Variants in TRAP1 observed in about 807,000 individuals in gnomAD.
The protein encoded by TRAP1 is heat shock protein 75 kDa, mitochondrial.
A neutral mutation model predicts 89.1 loss-of-function variants in TRAP1; 102 were observed. That is an observed-to-expected ratio of 1.15 (90% confidence interval 0.98 to 1.35). The LOEUF (loss-of-function observed/expected upper bound fraction) is 1.35, where lower values mean the gene tolerates loss of function less well. Among genes scored for constraint, TRAP1 ranks in the 40% most tolerant of loss-of-function variants. TRAP1 has a pLI of 0.00. For synonymous variants in TRAP1, 508 were observed against 388.0 expected (o/e 1.31, Z -3.64); for missense variants, 1,256 against 945.3 (o/e 1.33, Z -4.31).
rs571604280 is a variant in TRAP1, at chr16:3,658,280, C to T, written c.2014-50G>A. Reference sequence around the variant, plus strand: ...TTATGAGGGGCATGGGGCACCTTTTCATTTTTTTTTTTTTGAGACAGAGTC... The same window carrying T: ...TTATGAGGGGCATGGGGCACCTTTTTATTTTTTTTTTTTTGAGACAGAGTC... On this transcript the variant is annotated intron_variant, in intron 17 of 17. Coordinates refer to ENST00000246957, the MANE Select transcript of TRAP1 (RefSeq NM_016292.3). The T allele has an allele frequency of 2.7e-4, 376 of 1,375,370 alleles. 4 individuals are homozygous for T. The African/African-American group carries it at 4.7e-3, about 17-fold the overall frequency. 85.2% of individuals were successfully genotyped at this position (1,375,370 alleles called of 1,614,324 possible).
chr16:3,684,894 C>A (rs1015097293), intron 4 of TRAP1, among the ~76,000 whole-genome samples: 1 of 152,148 alleles, frequency 6.6e-6, no homozygotes, highest in Non-Finnish European at 1.5e-5. Context: ...TCTAAATTAC[C>A]TGCTCAAATT....
chr16:3,679,725 C>A lies in TRAP1; in HGVS notation c.537G>T (p.Gly179=). 6.2e-7 allele frequency: 1 copy of A among 1,614,114 alleles called. No homozygotes were observed. The highest frequency in any genetic ancestry group is 8.5e-7 in the Non-Finnish European group (1 of 1,180,002). ...VSNLGTIARS[G]SKAFLDALQN... The stretch of plus-strand genomic sequence containing the variant: ...GTGGGGGCCCCACGCTTACCTTTGA[C>A]CCCGATCTGGCAATCGTCCCCAGGT... The change falls in exon 5 of 18, where the codon GGG becomes GGT. Residue 179 remains glycine (G), a synonymous_variant. Transcript: ENST00000246957.
intron 15 of TRAP1, 23 bp downstream of exon 15, chr16:3,662,859 G>C (rs2043165601): frequency 6.2e-7 from 1 of 1,611,868 alleles, no homozygotes; most frequent in South Asian, 1.1e-5. Flanking sequence ...CCAAGTGGTG[G>C]TCCATCCCCG....
chr16:3,662,963 G>T lies in TRAP1; in HGVS notation c.1713C>A (p.Ala571=), dbSNP rs144965528. 6.2e-7 allele frequency: 1 copy of T among 1,608,882 alleles called. No individual in the cohort carries two copies. The highest frequency in any genetic ancestry group is 1.3e-5 in the African/African-American group (1 of 75,024). Residue 571 remains alanine, a synonymous_variant, in exon 15 of 18, where the codon GCC becomes GCA. Coordinates refer to ENST00000246957, the MANE Select transcript of TRAP1 (RefSeq NM_016292.3). Reference sequence around the variant, plus strand: ...CCGTCTCCTTCTCTGATAGGCACTCGGCGGCTGCGGAAGAGCAGGCGACAG... The same window carrying T: ...CCGTCTCCTTCTCTGATAGGCACTCTGCGGCTGCGGAAGAGCAGGCGACAG... ...EEKFEDRSPA[A]ECLSEKETEE... is the part of the protein sequence containing the mutation.
chr16:3,659,105 C>A (rs2042912597), intron 16 of TRAP1: 1 of 480,670 alleles, frequency 2.1e-6, no homozygotes. Flanking sequence ...GATTAATATA[C>A]ACTAAAGGGA....
intron 1 of TRAP1, among the ~76,000 whole-genome samples, chr16:3,691,762 T>A (rs1209578989): frequency 2.0e-5 from 3 of 152,202 alleles, no homozygotes; most frequent in African/African-American, 7.2e-5. Context: ...CATTGCTTTT[T>A]CATCCAAAAC....
chr16:3,668,349 C>T (rs1413924126), intron 11 of TRAP1, among the ~76,000 whole-genome samples: 2 of 151,962 alleles, frequency 1.3e-5, no homozygotes, highest in African/African-American at 4.8e-5. Flanking sequence ...CGTGAGCCAC[C>T]GCGCCCGGCC....
intron 11 of TRAP1, 88 bp downstream of exon 11, chr16:3,671,634 T>C (rs947317216): frequency 4.9e-6 from 7 of 1,440,350 alleles, no homozygotes; most frequent in South Asian, 2.4e-5. Context: ...CTCAGCTCCA[T>C]GGGCCACGGC....
chr16:3,668,852 G>A (rs187069492), intron 11 of TRAP1, among the ~76,000 whole-genome samples: 378 of 152,320 alleles, frequency 2.5e-3, no homozygotes, highest in African/African-American at 8.7e-3. Context: ...TGCAGGCTCA[G>A]CACAGTTCTC....
At chr16:3,659,203 T>C in intron 16 of TRAP1, 2 of 229,466 alleles carry the variant, frequency 8.7e-6, no homozygotes, top group Admixed American at 5.7e-5. Flanking sequence ...TTGAAACATA[T>C]TATAGGGCTC....
intron 11 of TRAP1, among the ~76,000 whole-genome samples, chr16:3,670,175 G>A (rs1003421708): frequency 7.2e-5 from 11 of 151,752 alleles, no homozygotes; most frequent in Non-Finnish European, 1.5e-4. Flanking sequence ...GAAGTCAGGA[G>A]ATCGAGACCA....
At chr16:3,658,745 G>A in intron 17 of TRAP1, 48 bp downstream of exon 17, 1 of 1,568,780 alleles carries the variant, frequency 6.4e-7, no homozygotes, top group Non-Finnish European at 8.7e-7. Flanking sequence ...CAGGCTGGCA[G>A]GGCTGGTAGC....
rs571595953 is a variant in TRAP1, at chr16:3,679,113, A to C, written c.543+606T>G. Among the ~76,000 whole-genome samples the C allele has an allele frequency of 5.9e-5, 9 of 152,138 alleles. No homozygotes were observed. The East Asian group carries it at 1.7e-3, about 30-fold the overall frequency. On this transcript the variant is annotated intron_variant, in intron 5 of 17. Coordinates refer to ENST00000246957, the MANE Select transcript of TRAP1 (RefSeq NM_016292.3). Reference sequence around the variant, plus strand: ...GAGGATAGCCCGGCCAACATGGTGAAACCCCGTCTCTACTAAAGATACAAA... The same window carrying C: ...GAGGATAGCCCGGCCAACATGGTGACACCCCGTCTCTACTAAAGATACAAA...
At chr16:3,701,915 T>C (rs1380834188) in intron 1 of TRAP1, among the ~76,000 whole-genome samples, 1 of 152,090 alleles carries the variant, frequency 6.6e-6, no homozygotes, top group African/African-American at 2.4e-5. Flanking sequence ...ATTAAATTAT[T>C]AAAAATATGA....
At position 3,658,881 on chromosome 16, in the gene TRAP1, C is replaced by CACCAGAAAAAGCAGCTCAGT; in HGVS notation, c.1941-36_1941-17dup. 6.2e-7 allele frequency: 1 copy of CACCAGAAAAAGCAGCTCAGT among 1,613,836 alleles called. No homozygotes were observed. On this transcript the variant is annotated splice_polypyrimidine_tract_variant and intron_variant, in intron 16 of 17. Coordinates refer to ENST00000246957, the MANE Select transcript of TRAP1 (RefSeq NM_016292.3). ...GAGCGCGTGCCTGCAACACAGAACC[C>CACCAGAAAAAGCAGCTCAGT]ACCAGAAAAAGCAGCTCAGTACCAC...
At chr16:3,683,227 C>A (rs1351736190) in intron 4 of TRAP1, among the ~76,000 whole-genome samples, 10 of 151,812 alleles carry the variant, frequency 6.6e-5, no homozygotes, top group Admixed American at 5.3e-4. Flanking sequence ...ACTGTCACAG[C>A]CAAGAGGAGC....
At chr16:3,707,264 C>A (rs986318360) in intron 1 of TRAP1, among the ~76,000 whole-genome samples, 75 of 148,960 alleles carry the variant, frequency 5.0e-4, no homozygotes, top group Admixed American at 1.2e-3. Context: ...CGGCTCACTG[C>A]AAGCTCCGCC....
chr16:3,706,199 C>A (rs1026816746), intron 1 of TRAP1, among the ~76,000 whole-genome samples: 1 of 152,074 alleles, frequency 6.6e-6, no homozygotes, highest in Non-Finnish European at 1.5e-5. Context: ...AGTAATCCAC[C>A]CACGTTAGCC....
chr16:3,675,051 C>T, intron 8 of TRAP1: 1 of 469,694 alleles, frequency 2.1e-6, no homozygotes, highest in Non-Finnish European at 3.9e-6. Flanking sequence ...CTGCACTGAA[C>T]ACCATGGCTG....
Sources: gnomAD v4.1 joint callset for allele counts (sites outside exome capture counted in the v4.1 genomes callset) on GRCh38, gnomAD v4.1.1 for gene constraint, MANE v1.5 for transcripts, NCBI Gene and HGNC (gene_info 2026-07-23, HGNC 2026-07-21) for gene names.